Variants in NISCH observed in about 807,000 individuals in gnomAD.
NISCH encodes nischarin.
Under a neutral mutation model 138.4 loss-of-function variants are expected in NISCH, and 55 were observed. The observed-to-expected ratio is 0.40, with a 90% CI of 0.32 to 0.50. The LOEUF is 0.50. NISCH is among the 20% of genes least tolerant of loss of function. The pLI, the probability that NISCH is intolerant of heterozygous loss-of-function variation, is 0.71. For synonymous variants in NISCH, 860 were observed against 861.5 expected (o/e 1.00, Z 0.03); for missense variants, 1,643 against 2,005.5 (o/e 0.82, Z 3.45).
intron 3 of NISCH, among the ~76,000 whole-genome samples, chr3:52,469,790 C>G (rs2153231006): frequency 6.6e-6 from 1 of 152,120 alleles, no homozygotes; most frequent in East Asian, 1.9e-4. Flanking sequence ...TGGCACATGC[C>G]TGTACTACCA....
At chr3:52,469,901 C>T (rs1163995203) in intron 3 of NISCH, among the ~76,000 whole-genome samples, 1 of 146,976 alleles carries the variant, frequency 6.8e-6, no homozygotes, top group Admixed American at 6.9e-5. Context: ...GGCAACAGAG[C>T]AAGACTCCGT....
In NISCH at chr3:52,487,279, C is replaced by T. The variant is rs765997463; in HGVS notation, c.1787C>T (p.Thr596Met). ...CTGCCCTTCACCTGCATTGGCTACA[C>T]GGCCACCAATCAGGACTTCATCCAG... ...IFLPFTCIGY[T>M]ATNQDFIQRL... The change falls in exon 16 of 21, where the codon ACG (threonine) becomes ATG (methionine). Residue 596 changes from threonine to methionine, a missense_variant. Coordinates refer to ENST00000345716, the MANE Select transcript of NISCH (RefSeq NM_007184.4). This position sits in a 1 kb window ranked among gnomAD's most constrained non-coding sequence, Gnocchi z 9.1. 6.2e-6 allele frequency: 10 copies of T among 1,614,048 alleles called. No individual in the cohort carries two copies. Among genetic ancestry groups the T allele is most frequent in the Admixed American group, 1.7e-5 (1 of 60,014 alleles).
chr3:52,465,189 G>A (rs949546859), intron 3 of NISCH, among the ~76,000 whole-genome samples: 46 of 152,084 alleles, frequency 3.0e-4, no homozygotes, highest in African/African-American at 1.1e-3. Flanking sequence ...GAGTGCAGTG[G>A]CACCATCTCG....
At chr3:52,460,012 C>G (rs777422501) in intron 3 of NISCH, among the ~76,000 whole-genome samples, 94 of 150,392 alleles carry the variant, frequency 6.3e-4, no homozygotes, top group Non-Finnish European at 1.2e-3. Context: ...GAAACCCTGT[C>G]TCTACTAAGA....
In NISCH at chr3:52,492,596, T is replaced by A; in HGVS notation, c.*114T>A. 8.0e-7 allele frequency: 1 copy of A among 1,253,552 alleles called. No individual in the cohort carries two copies. Among genetic ancestry groups the A allele is most frequent in the Non-Finnish European group, 1.1e-6 (1 of 932,516 alleles). The allele number at this position is 1,253,552 out of a possible 1,614,324, so 77.7% of individuals were successfully genotyped here. A position where few individuals can be genotyped will look rare whatever the true frequency, so the allele number is the denominator to read the frequency against. On this transcript the variant is annotated 3_prime_UTR_variant, in exon 21 of 21. Transcript: ENST00000345716. ...TCCCTTTGGTACCTTAATTTGACTGTCCTCGCAGAGAATGTGAACATGTGT... is the reference window on the plus strand; with the variant it reads ...TCCCTTTGGTACCTTAATTTGACTGACCTCGCAGAGAATGTGAACATGTGT...
chr3:52,481,203 G>A, intron 13 of NISCH: 4 of 1,169,860 alleles, frequency 3.4e-6, no homozygotes, highest in Middle Eastern at 3.4e-4. Context: ...GGCTGCAACT[G>A]CAACATCGGA....
chr3:52,476,252 T>C (rs779806790), intron 7 of NISCH, 195 bp from the exon 8 acceptor site: 38 of 611,772 alleles, frequency 6.2e-5, no homozygotes, highest in Non-Finnish European at 1.0e-4. Flanking sequence ...GTGGCTGTTA[T>C]GTGGTAAATT....
At chr3:52,479,011 G>C (rs9867823) in intron 11 of NISCH, among the ~76,000 whole-genome samples, 146,606 of 152,274 alleles carry the variant, frequency 0.96, 70,623 homozygotes, top group African/African-American at 0.99. Context: ...AGCAGTCCCC[G>C]TGATGCTCTG....
chr3:52,489,916 C>T, intron 17 of NISCH, 159 bp from the exon 18 acceptor site: 1 of 1,185,166 alleles, frequency 8.4e-7, no homozygotes, highest in Non-Finnish European at 1.2e-6. Context: ...CCACCAACAG[C>T]CATCTCCCAC....
At chr3:52,482,327 A>C (rs1337609302) in intron 13 of NISCH, among the ~76,000 whole-genome samples, 1 of 152,198 alleles carries the variant, frequency 6.6e-6, no homozygotes, top group East Asian at 1.9e-4. Flanking sequence ...GGCGCTGTCC[A>C]GACAACACCC....
rs768927121 is a variant in NISCH, at chr3:52,473,808, C to T, written c.744C>T (p.Arg248=). 1.9e-6 allele frequency: 3 copies of T among 1,608,390 alleles called. No individual in the cohort carries two copies. The highest frequency in any genetic ancestry group is 2.2e-5 in the South Asian group (2 of 90,744). Residue 248 remains arginine, a synonymous_variant, in exon 7 of 21, where the codon CGC becomes CGT. Transcript: ENST00000345716. The stretch of plus-strand genomic sequence containing the variant: ...CCACCTTAGCCACGCTGAGTGTCCG[C>T]TTCTCAGCAACCTCGATGAAGGTAA... ...SKPTLATLSV[R]FSATSMKEVL... is the part of the protein sequence containing the mutation.
In NISCH at chr3:52,480,887, G is replaced by A. The variant is rs1305817989; in HGVS notation, c.1528+592G>A. On this transcript the variant is annotated intron_variant, in intron 13 of 20. Transcript: ENST00000345716. ...TTCACCTCTGAACCCAGGCATCCTC[G>A]GAGATGAGTGAGTGAAGCAGGTCTC... is the stretch of plus-strand genomic sequence containing the variant. 10 of 1,534,880 alleles carry A rather than the reference G, an allele frequency of 6.5e-6. No homozygotes were observed. In the East Asian group the frequency reaches 7.3e-5, roughly 11 times the overall value.
rs1392975175 is a variant in NISCH, at chr3:52,487,835, G to A, written c.2343G>A (p.Val781=). 1 of 1,613,032 alleles carries A rather than the reference G, an allele frequency of 6.2e-7. No homozygotes were observed. Among genetic ancestry groups the A allele is most frequent in the East Asian group, 2.2e-5 (1 of 44,872 alleles). ...TCCTCATGCCGGAGCTGTGTCTGGT[G>A]CTCAAGGTACGGCACAGTGAGAACA... is the stretch of plus-strand genomic sequence containing the variant. ...FGFLMPELCL[V]LKVRHSENTL... Residue 781 remains valine (V), a synonymous_variant, in exon 16 of 21, where the codon GTG becomes GTA. Coordinates refer to ENST00000345716, the MANE Select transcript of NISCH (RefSeq NM_007184.4). The surrounding 1 kb of genome is among the most constrained non-coding windows in gnomAD (Gnocchi z 9.1).
chr3:52,485,938 A>G, intron 15 of NISCH, 111 bp downstream of exon 15: 1 of 948,852 alleles, frequency 1.1e-6, no homozygotes. Flanking sequence ...CGTTCACAGA[A>G]GGCCTATAGA....
At position 52,489,500 on chromosome 3, in the gene NISCH, A is replaced by G. The variant is rs1236140660; in HGVS notation, c.3278A>G (p.Glu1093Gly). 6.2e-7 allele frequency: 1 copy of G among 1,610,980 alleles called. No individual in the cohort carries two copies. The highest frequency in any genetic ancestry group is 1.3e-5 in the African/African-American group (1 of 74,858). Residue 1093 changes from glutamate (E) to glycine (G), a missense_variant, in exon 17 of 21, where the codon GAA becomes GGA. Physicochemically the swap from Glu to Gly is moderately conservative, Grantham distance 98. Transcript: ENST00000345716. ...TTGGTCCCAGAGGAGACGCCAGTGG[A>G]AGCTCCAGCCCCACCCCCAGCCGAG... is the stretch of plus-strand genomic sequence containing the variant. ...SALVPEETPVEAPAPPPAEAP... is the reference protein window; with the variant it reads ...SALVPEETPVGAPAPPPAEAP...
chr3:52,457,583 A>G (rs1276689609), intron 1 of NISCH, among the ~76,000 whole-genome samples: 1 of 152,182 alleles, frequency 6.6e-6, no homozygotes, highest in South Asian at 2.1e-4. Flanking sequence ...ATGGAGCCAC[A>G]TGCTTGTCTC....
intron 5 of NISCH, 117 bp from the exon 6 acceptor site, chr3:52,472,186 A>T: frequency 2.8e-6 from 3 of 1,090,512 alleles, no homozygotes; most frequent in Non-Finnish European, 4.1e-6. Context: ...TCCTGGCCTG[A>T]GCCTGCTTTG....
chr3:52,476,719 T>G, intron 8 of NISCH, 120 bp downstream of exon 8: 1 of 962,264 alleles, frequency 1.0e-6, no homozygotes, highest in Non-Finnish European at 1.6e-6. Flanking sequence ...GCTCTGTGCA[T>G]TGCCTGCCAT....
chr3:52,481,573 C>T, intron 13 of NISCH: 1 of 985,580 alleles, frequency 1.0e-6, no homozygotes, highest in East Asian at 1.1e-4. Context: ...CTGTAGGCCT[C>T]TGGGGACAGG....
Sources: gnomAD v4.1 joint callset for allele counts (sites outside exome capture counted in the v4.1 genomes callset) on GRCh38, gnomAD v4.1.1 for gene constraint, Gnocchi (gnomAD v3.1) non-coding constraint, MANE v1.5 for transcripts, NCBI Gene and HGNC (gene_info 2026-07-23, HGNC 2026-07-21) for gene names.